NAV3: variants seen among roughly 807,000 people sequenced by gnomAD.
NAV3 encodes the protein pore membrane and/or filament interacting like protein 1.
In NAV3, 87 loss-of-function variants were observed where a neutral mutation model predicts 244.7. The observed-to-expected ratio is 0.36, with a 90% CI of 0.30 to 0.42. The LOEUF (loss-of-function observed/expected upper bound fraction) is 0.42. NAV3 is among the 20% of genes least tolerant of loss of function. The pLI is 1.00. For missense variants in NAV3, 2,663 were observed against 2,893.3 expected, an observed-to-expected ratio of 0.92 and a Z score of 1.83; for synonymous variants, 1,126 against 1,042.2, an observed-to-expected ratio of 1.08 and a Z score of -1.55.
chr12:78,055,974 T>C (rs1883445074), intron 11 of NAV3, among the ~76,000 whole-genome samples: 1 of 152,222 alleles, frequency 6.6e-6, no homozygotes. Context: ...GTTTCCTCTA[T>C]TTTTGTTCCC....
chr12:77,699,455 G>A (rs920421491), intron 2 of NAV3, among the ~76,000 whole-genome samples: 1 of 152,122 alleles, frequency 6.6e-6, no homozygotes, highest in Non-Finnish European at 1.5e-5. Flanking sequence ...CTTGGATTCT[G>A]TAATCAGGAA....
At chr12:78,109,610 G>T (rs1024852002) in intron 12 of NAV3, among the ~76,000 whole-genome samples, 1 of 151,752 alleles carries the variant, frequency 6.6e-6, no homozygotes, top group African/African-American at 2.4e-5. Context: ...CAATCCAGAG[G>T]GTTTGTATCA....
intron 7 of NAV3, among the ~76,000 whole-genome samples, chr12:78,002,977 C>A (rs1448766046): frequency 6.6e-6 from 1 of 151,438 alleles, no homozygotes; most frequent in Admixed American, 6.6e-5. Flanking sequence ...AAATTACATA[C>A]TGGCTGGTGA....
intron 1 of NAV3, among the ~76,000 whole-genome samples, chr12:77,858,686 A>G (rs184160487): frequency 1.3e-3 from 199 of 152,136 alleles, no homozygotes; most frequent in Non-Finnish European, 2.2e-3. Flanking sequence ...GGGAAGGCAA[A>G]GGTTCACAAA....
intron 2 of NAV3, among the ~76,000 whole-genome samples, chr12:77,663,525 T>C (rs1010599428): frequency 1.2e-4 from 18 of 149,992 alleles, no homozygotes; most frequent in Non-Finnish European, 1.6e-4. Context: ...TCTTCTTCTT[T>C]TTTTTTTTTT....
chr12:78,083,206 C>A (rs1335233328), intron 12 of NAV3, among the ~76,000 whole-genome samples: 1 of 152,112 alleles, frequency 6.6e-6, no homozygotes, highest in East Asian at 1.9e-4. Flanking sequence ...GCCAAACTGG[C>A]TTTTATAACA....
intron 2 of NAV3, among the ~76,000 whole-genome samples, chr12:77,767,841 A>G (rs1304862911): frequency 6.6e-6 from 1 of 152,218 alleles, no homozygotes; most frequent in Non-Finnish European, 1.5e-5. Flanking sequence ...CCTGCAATGC[A>G]GTGAGCAAAG....
intron 1 of NAV3, among the ~76,000 whole-genome samples, chr12:77,873,760 ATATATATGTATAT>A (rs1565878818): frequency 8.6e-6 from 1 of 116,014 alleles, no homozygotes; most frequent in African/African-American, 2.8e-5. Flanking sequence ...ATATATATAT[ATATATATGTATAT>A]AACAGCATAT....
At chr12:77,907,065 T>C (rs11107296) in intron 1 of NAV3, among the ~76,000 whole-genome samples, 12,090 of 152,208 alleles carry the variant, frequency 0.079, 640 homozygotes, top group South Asian at 0.12. Context: ...CACTCATCCG[T>C]CAAAAACTCT....
In NAV3 at chr12:78,190,067, A is replaced by G; in HGVS notation, c.6139A>G (p.Met2047Val). 6.2e-7 allele frequency: 1 copy of G among 1,613,232 alleles called. No individual in the cohort carries two copies. The highest frequency in any genetic ancestry group is 8.5e-7 in the Non-Finnish European group (1 of 1,179,500). ...PITQRYFNLLMEHHRIILSGP... is the reference protein window; with the variant it reads ...PITQRYFNLLVEHHRIILSGP... ...TACCCAAAGGTACTTTAACTTGTTG[A>G]TGGAGCATCACAGAATTATACTCTC... Residue 2047 changes from methionine to valine, a missense_variant, in exon 34 of 40, where the codon ATG (methionine) becomes GTG (valine). Around this residue, in one of 6 missense-constraint regions of NAV3, gnomAD observed 543 missense variants for 672.4 expected, o/e 0.81. Transcript: ENST00000397909.
chr12:77,616,043 G>A (rs759717387), intron 2 of NAV3, among the ~76,000 whole-genome samples: 4 of 152,138 alleles, frequency 2.6e-5, no homozygotes, highest in Admixed American at 1.3e-4. Context: ...CAGAATTCAT[G>A]TTGGAGTGTT....
At chr12:77,904,088 T>G (rs376840787) in intron 1 of NAV3, among the ~76,000 whole-genome samples, 4 of 152,102 alleles carry the variant, frequency 2.6e-5, no homozygotes, top group Non-Finnish European at 4.4e-5. Context: ...TCAGTGTGGC[T>G]ATTCCTCAGG....
intron 2 of NAV3, among the ~76,000 whole-genome samples, chr12:77,617,091 T>C (rs1871170106): frequency 6.6e-6 from 1 of 152,234 alleles, no homozygotes; most frequent in Non-Finnish European, 1.5e-5. Flanking sequence ...GTTTTTCTCA[T>C]TGAGTTTCAC....
intron 9 of NAV3, among the ~76,000 whole-genome samples, chr12:78,024,452 T>C (rs1025854861): frequency 2.0e-5 from 3 of 152,132 alleles, no homozygotes; most frequent in Admixed American, 2.0e-4. Flanking sequence ...TCCCATCCTT[T>C]CTCTTAACTG....
intron 1 of NAV3, among the ~76,000 whole-genome samples, chr12:77,859,985 C>A (rs1387704655): frequency 6.6e-6 from 1 of 151,588 alleles, no homozygotes; most frequent in East Asian, 1.9e-4. Flanking sequence ...AAGTAAAGCA[C>A]AATTAAAATA....
chr12:77,934,364 C>G (rs1889118540), intron 1 of NAV3, among the ~76,000 whole-genome samples: 1 of 152,124 alleles, frequency 6.6e-6, no homozygotes, highest in Non-Finnish European at 1.5e-5. Flanking sequence ...TCTAGGATCA[C>G]TTCTTTCTTC....
intron 1 of NAV3, among the ~76,000 whole-genome samples, chr12:77,912,682 G>C (rs1886721400): frequency 6.6e-6 from 1 of 152,110 alleles, no homozygotes; most frequent in Non-Finnish European, 1.5e-5. Flanking sequence ...CCAGGCTAGA[G>C]TGCAATGGTG....
intron 2 of NAV3, among the ~76,000 whole-genome samples, chr12:77,760,676 C>A (rs1263047218): frequency 6.6e-6 from 1 of 152,094 alleles, no homozygotes; most frequent in East Asian, 1.9e-4. Flanking sequence ...TCGTATGTGA[C>A]TTTTTTCAGT....
chr12:77,719,668 T>C lies in NAV3; in HGVS notation c.72+147402T>C, dbSNP rs1876522909. ...TTCCCTTGGCCATGGTGTATGATCC[T>C]TTTAATATGTTGTTAAATTCAGTTT... On this transcript the variant is annotated intron_variant, in intron 2 of 8. Transcript: ENST00000550042. Among the ~76,000 whole-genome samples, 4 of 152,152 alleles carry C rather than the reference T, an allele frequency of 2.6e-5. No homozygotes were observed. The South Asian group carries it at 8.3e-4, about 31-fold the overall frequency.
Sources: allele counts gnomAD v4.1 joint callset (sites outside exome capture counted in the v4.1 genomes callset), GRCh38; gene constraint gnomAD v4.1.1; regional missense constraint gnomAD v4.1.1; transcripts MANE v1.5; gene names NCBI Gene and HGNC (gene_info 2026-07-23, HGNC 2026-07-21).